PCDH15: variants seen among roughly 807,000 people sequenced by gnomAD.
PCDH15 encodes the protein protocadherin related 15.
A neutral mutation model predicts 178.5 loss-of-function variants in PCDH15; 129 were observed. That is an observed-to-expected ratio of 0.72 (90% CI 0.63 to 0.84). The LOEUF is 0.84. Ranked by LOEUF, PCDH15 falls within the 40% of genes least tolerant of loss-of-function variation. PCDH15 has a pLI of 0.00. For synonymous variants in PCDH15, 800 were observed against 732.0 expected, an observed-to-expected ratio of 1.09 and a Z score of -1.50; for missense variants, 2,230 against 2,099.9, an observed-to-expected ratio of 1.06 and a Z score of -1.21.
chr10:54,191,902 C>T (rs1386610959), intron 11 of PCDH15, among the ~76,000 whole-genome samples: 1 of 140,112 alleles, frequency 7.1e-6, no homozygotes, highest in Non-Finnish European at 1.5e-5. Flanking sequence ...GCCTGGGTGA[C>T]AGAGAGAAAC....
chr10:55,221,514 C>T (rs1840874399), intron 1 of PCDH15, among the ~76,000 whole-genome samples: 2 of 152,148 alleles, frequency 1.3e-5, no homozygotes, highest in Non-Finnish European at 2.9e-5. Context: ...CAAATAGAAT[C>T]GTGTCGCTAC....
At chr10:54,193,974 T>G (rs541719064) in intron 11 of PCDH15, among the ~76,000 whole-genome samples, 4 of 151,790 alleles carry the variant, frequency 2.6e-5, no homozygotes, top group African/African-American at 9.7e-5. Context: ...TTTACTGTAT[T>G]GTTTGACATG....
rs570421821 is a variant in PCDH15 at position 55,428,048 on chromosome 10, A to G, written c.-156+199577T>C. On this transcript the variant is annotated intron_variant, in intron 2 of 5. Coordinates refer to the PCDH15 transcript ENST00000613346. ...CTTCAATTATTTTACGTTTTTTGAT[A>G]CTTGATTTATGTCTTAAAATGTGGT... 3.9e-5 allele frequency among the ~76,000 whole-genome samples: 6 copies of G among 152,114 alleles called. No homozygotes were observed. In the South Asian group the frequency reaches 8.3e-4, roughly 21 times the overall value.
At chr10:55,022,043 G>C (rs1840343740) in intron 2 of PCDH15, among the ~76,000 whole-genome samples, 1 of 152,136 alleles carries the variant, frequency 6.6e-6, no homozygotes, top group African/African-American at 2.4e-5. Context: ...GGTTAGTGGG[G>C]CAGGGGAATG....
chr10:54,549,733 G>A (rs1191513531), intron 2 of PCDH15, among the ~76,000 whole-genome samples: 1 of 151,844 alleles, frequency 6.6e-6, no homozygotes, highest in Non-Finnish European at 1.5e-5. Flanking sequence ...ATTGAGATAG[G>A]ATATTGTGTC....
chr10:55,258,005 T>A (rs1369793088), intron 1 of PCDH15, among the ~76,000 whole-genome samples: 3 of 152,216 alleles, frequency 2.0e-5, no homozygotes, highest in Non-Finnish European at 1.5e-5. Flanking sequence ...GGGAAGCCCA[T>A]CAGACTAACA....
intron 3 of PCDH15, among the ~76,000 whole-genome samples, chr10:54,818,391 T>C (rs1305756412): frequency 6.6e-6 from 1 of 152,092 alleles, no homozygotes; most frequent in Non-Finnish European, 1.5e-5. Flanking sequence ...TCTTTCAACA[T>C]ACTTTTTTTC....
upstream of PCDH15, among the ~76,000 whole-genome samples, chr10:54,801,764 CTT>C (rs1476851487): frequency 2.6e-5 from 4 of 152,130 alleles, no homozygotes; most frequent in African/African-American, 9.7e-5. Context: ...CAAAAGTACT[CTT>C]TAGATTTTTA....
At chr10:54,051,050 G>A (rs1435327683) in intron 18 of PCDH15, among the ~76,000 whole-genome samples, 4 of 152,124 alleles carry the variant, frequency 2.6e-5, no homozygotes, top group African/African-American at 4.8e-5. Flanking sequence ...CACCATGATC[G>A]TAAGTTTCCT....
At chr10:55,138,976 T>C (rs1224033651) in intron 2 of PCDH15, among the ~76,000 whole-genome samples, 2 of 152,098 alleles carry the variant, frequency 1.3e-5, no homozygotes, top group South Asian at 2.1e-4. Context: ...AATATTCCAC[T>C]GTATAGGTAT....
chr10:54,240,462 A>C (rs1344586464), intron 8 of PCDH15, among the ~76,000 whole-genome samples: 1 of 151,948 alleles, frequency 6.6e-6, no homozygotes, highest in Non-Finnish European at 1.5e-5. Flanking sequence ...GTATCCTTAT[A>C]ATGAACCTCT....
chr10:54,637,185 T>A (rs760567840), intron 2 of PCDH15, among the ~76,000 whole-genome samples: 2 of 151,876 alleles, frequency 1.3e-5, no homozygotes, highest in African/African-American at 2.4e-5. Flanking sequence ...TTACCTATTT[T>A]GAGCTCCCAT....
At chr10:55,224,306 CAAATGTTCCCTCAAAA>C (rs1840965867) in intron 1 of PCDH15, among the ~76,000 whole-genome samples, 1 of 152,124 alleles carries the variant, frequency 6.6e-6, no homozygotes, top group Non-Finnish European at 1.5e-5. Flanking sequence ...TGTGACTTCA[CAAATGTTCCCTCAAAA>C]GGTGACATCT....
At chr10:55,610,855 A>G (rs1478373803) in intron 2 of PCDH15, among the ~76,000 whole-genome samples, 1 of 152,062 alleles carries the variant, frequency 6.6e-6, no homozygotes, top group Admixed American at 6.6e-5. Context: ...AAATGGAACA[A>G]TTGGGTGGTT....
intron 2 of PCDH15, among the ~76,000 whole-genome samples, chr10:55,602,489 T>G (rs1200563796): frequency 6.6e-6 from 1 of 152,128 alleles, no homozygotes; most frequent in South Asian, 2.1e-4. Flanking sequence ...AATGTCCCTG[T>G]CTGACAGCTT....
chr10:54,938,137 C>A (rs1048534711), intron 2 of PCDH15, among the ~76,000 whole-genome samples: 4 of 151,946 alleles, frequency 2.6e-5, no homozygotes, highest in Admixed American at 2.6e-4. Context: ...GTTAAACTAT[C>A]ATTAGATTTC....
intron 3 of PCDH15, among the ~76,000 whole-genome samples, chr10:54,421,711 CTATA>C (rs1280104818): frequency 6.1e-4 from 74 of 121,738 alleles, no homozygotes; most frequent in Non-Finnish European, 1.1e-3. Flanking sequence ...CACACACACA[CTATA>C]TATATTTTTG....
intron 1 of PCDH15, among the ~76,000 whole-genome samples, chr10:55,200,424 G>T (rs1420917496): frequency 6.6e-6 from 1 of 152,114 alleles, no homozygotes; most frequent in Non-Finnish European, 1.5e-5. Context: ...TAGCCTCATT[G>T]TATCATGGAA....
At chr10:55,251,554 T>G (rs1841835840) in intron 1 of PCDH15, among the ~76,000 whole-genome samples, 1 of 152,168 alleles carries the variant, frequency 6.6e-6, no homozygotes, top group East Asian at 1.9e-4. Flanking sequence ...ATTTTATGAA[T>G]GTACCATCGT....
Sources: allele counts gnomAD v4.1 joint callset (sites outside exome capture counted in the v4.1 genomes callset), GRCh38; gene constraint gnomAD v4.1.1; transcripts MANE v1.5; gene names NCBI Gene and HGNC (gene_info 2026-07-23, HGNC 2026-07-21).